The following HSF4 variants were observed in gnomAD, a reference collection of about 807,000 sequenced individuals.
HSF4 encodes heat shock factor protein 4.
In HSF4, 41 loss-of-function variants were observed where a neutral mutation model predicts 52.0. That is an observed-to-expected ratio of 0.79 (90% CI 0.61 to 1.02). HSF4 has a LOEUF of 1.02. Among genes scored for constraint, HSF4 ranks in the 50% least tolerant of loss-of-function variants. The pLI, the probability that HSF4 is intolerant of heterozygous loss-of-function variation, is 0.00. For missense variants in HSF4, 610 were observed against 651.1 expected, an observed-to-expected ratio of 0.94 and a Z score of 0.69; for synonymous variants, 285 against 273.0, an observed-to-expected ratio of 1.04 and a Z score of -0.43.
At chr16:67,164,602 C>T (rs2031100944), upstream of HSF4, 2 of 497,798 alleles carry the variant, frequency 4.0e-6, no homozygotes, top group African/African-American at 4.0e-5. Flanking sequence ...CTCCACTCCA[C>T]TCCACACATC....
Position 67,169,814 on chromosome 16 carries a change from C to T in HSF4, c.*29C>T. On this transcript the variant is annotated 3_prime_UTR_variant, in exon 13 of 13. Coordinates refer to ENST00000521374, the MANE Select transcript of HSF4 (RefSeq NM_001374675.1). This position sits in a 1 kb window ranked among gnomAD's most constrained non-coding sequence, Gnocchi z 4.3. ...CCCGCGCCTCTGAAGGGGCTTGGAA[C>T]CAGTCCGCCGCTGCACATCCTTCTT... 1.2e-6 allele frequency: 2 copies of T among 1,612,726 alleles called. No individual in the cohort carries two copies.
intron 7 of HSF4, 30 bp downstream of exon 7, chr16:67,167,252 G>A: frequency 6.2e-7 from 1 of 1,613,816 alleles, no homozygotes; most frequent in Non-Finnish European, 8.5e-7. Flanking sequence ...CCTTCCCAAG[G>A]GCATGGCTGG....
rs778404082 is a variant in HSF4, at chr16:67,169,602, C to T, written c.1325-29C>T. ...TGAAGAAAGGAGGGGGAACATTTCC[C>T]CTGGTGAGCGCAGTCCCACTTCTCC... On this transcript the variant is annotated intron_variant, in intron 12 of 12. Transcript: ENST00000521374. This position sits in a 1 kb window ranked among gnomAD's most constrained non-coding sequence, Gnocchi z 4.3. The T allele has an allele frequency of 3.1e-6, 5 of 1,602,708 alleles. No individual in the cohort carries two copies. The highest frequency in any genetic ancestry group is 3.4e-6 in the Non-Finnish European group (4 of 1,179,874).
At position 67,165,437 on chromosome 16, in the gene HSF4, G is replaced by A; in HGVS notation, c.124-85G>A. ...AGAGTGAGCATGAGTGTGTGCGCGC[G>A]CTGGAGCGCAGGACTGGCCGTGAGC... On this transcript the variant is annotated intron_variant, in intron 1 of 12. Transcript: ENST00000521374. The surrounding 1 kb of genome is among the most constrained non-coding windows in gnomAD (Gnocchi z 6.9). 1 of 1,233,532 alleles carries A rather than the reference G, an allele frequency of 8.1e-7. No individual in the cohort carries two copies. Among genetic ancestry groups the A allele is most frequent in the Non-Finnish European group, 1.2e-6 (1 of 837,390 alleles). 76.4% of individuals were successfully genotyped at this position (1,233,532 alleles called of 1,614,324 possible).
chr16:67,166,064 T>G lies in HSF4; in HGVS notation c.479T>G (p.Leu160Arg). The G allele has an allele frequency of 6.8e-7, 1 of 1,463,302 alleles. No homozygotes were observed. The highest frequency in any genetic ancestry group is 1.2e-5 in the South Asian group (1 of 82,634). 90.6% of individuals were successfully genotyped at this position (1,463,302 alleles called of 1,614,324 possible). ...AGCACCGAGGCGCGGCTGCGGGAGC[T>G]CAGGCAGTGCGGGGGCGGGCGGGGA... ...QESTEARLRE[L>R]RQQNEILWRE... Residue 160 changes from leucine (L) to arginine (R), a missense_variant, in exon 4 of 13, where the codon CTC (leucine) becomes CGC (arginine). Physicochemically the swap from Leu to Arg is moderately radical, Grantham distance 102. Transcript: ENST00000521374.
chr16:67,167,311 G>A, intron 7 of HSF4, 89 bp downstream of exon 7: 1 of 1,609,556 alleles, frequency 6.2e-7, no homozygotes, highest in East Asian at 2.2e-5. Context: ...AGGAAGAGAA[G>A]ATGGAAGCCA....
rs2031385752 is a variant in HSF4, at chr16:67,167,415, G to A, written c.730-60G>A. The A allele has an allele frequency of 1.9e-6, 3 of 1,613,254 alleles. No homozygotes were observed. In the South Asian group the frequency reaches 3.3e-5, roughly 18 times the overall value. On this transcript the variant is annotated intron_variant, in intron 7 of 12. Transcript: ENST00000521374. Reference sequence around the variant, plus strand: ...AGACCTGGCCCAGGTGGGTGTTGGTGGGGTTCTGGCTCTCCCTGTGCCTAC... The same window carrying A: ...AGACCTGGCCCAGGTGGGTGTTGGTAGGGTTCTGGCTCTCCCTGTGCCTAC...
upstream of HSF4, chr16:67,164,594 C>G (rs1295277985): frequency 2.4e-6 from 1 of 424,846 alleles, no homozygotes; most frequent in South Asian, 1.7e-5. Context: ...CCCCTCCACT[C>G]CACTCCACTC....
At chr16:67,164,066 C>T, upstream of HSF4, 1 of 705,014 alleles carries the variant, frequency 1.4e-6, no homozygotes, top group Non-Finnish European at 2.6e-6. Context: ...TCTCTTGCCT[C>T]CACCCCTCTG....
Position 67,169,893 on chromosome 16 carries a change from C to T in HSF4, c.*108C>T. 2 of 1,120,294 alleles carry T rather than the reference C, an allele frequency of 1.8e-6. No homozygotes were observed. The highest frequency in any genetic ancestry group is 2.7e-6 in the Non-Finnish European group (2 of 740,302). 69.4% of individuals were successfully genotyped at this position (1,120,294 alleles called of 1,614,324 possible). The stretch of plus-strand genomic sequence containing the variant: ...AGCGAAGCCCCCACTACTAAATGGC[C>T]TCTCTCCACTACCCCGACTATCCCT... On this transcript the variant is annotated 3_prime_UTR_variant, in exon 13 of 13. Coordinates refer to ENST00000521374, the MANE Select transcript of HSF4 (RefSeq NM_001374675.1). This position sits in a 1 kb window ranked among gnomAD's most constrained non-coding sequence, Gnocchi z 4.3.
chr16:67,166,054 C>A lies in HSF4; in HGVS notation c.469C>A (p.Leu157Met). 7.2e-7 allele frequency: 1 copy of A among 1,384,914 alleles called. No homozygotes were observed. Among genetic ancestry groups the A allele is most frequent in the Non-Finnish European group, 9.5e-7 (1 of 1,055,042 alleles). The allele number at this position is 1,384,914 out of a possible 1,614,324, so 85.8% of individuals were successfully genotyped here. ...AGTGCAGGAGAGCACCGAGGCGCGG[C>A]TGCGGGAGCTCAGGCAGTGCGGGGG... ...RGVQESTEARLRELRQQNEIL... is the reference protein window; with the variant it reads ...RGVQESTEARMRELRQQNEIL... Residue 157 changes from leucine (L) to methionine (M), a missense_variant, in exon 4 of 13, where the codon CTG becomes ATG. Physicochemically the swap from Leu to Met is conservative, Grantham distance 15. Transcript: ENST00000521374.
intron 9 of HSF4, 88 bp downstream of exon 9, chr16:67,168,035 T>C: frequency 4.7e-6 from 5 of 1,065,254 alleles, no homozygotes; most frequent in Admixed American, 2.0e-5. Context: ...GACTCCATGA[T>C]ACTCACCTGA....
chr16:67,165,090 G>A lies in HSF4; in HGVS notation c.123+156G>A. 5 of 833,274 alleles carry A rather than the reference G, an allele frequency of 6.0e-6. No homozygotes were observed. The highest frequency in any genetic ancestry group is 9.1e-6 in the Non-Finnish European group (5 of 550,782). The allele number at this position is 833,274 out of a possible 1,614,324, so 51.6% of individuals were successfully genotyped here. On this transcript the variant is annotated intron_variant, in intron 1 of 12. Transcript: ENST00000521374. This position sits in a 1 kb window ranked among gnomAD's most constrained non-coding sequence, Gnocchi z 6.9. ...ACCTTGGAGGGGGTGTGCGAGAGGG[G>A]GGTTTCCTCTGCGGCCGAAGAAGGG...
Position 67,167,555 on chromosome 16 carries a change from A to G in HSF4, c.810A>G (p.Pro270=), listed in dbSNP as rs200249893. ...TCTCTGACATCCCAGAAGACTCTCC[A>G]TCCCCTGAGGGGACCAGGCTTTCTC... ...PIISDIPEDS[P]SPEGTRLSPS... The change falls in exon 8 of 13, where the codon CCA becomes CCG. Residue 270 remains proline (P), a synonymous_variant. Coordinates refer to ENST00000521374, the MANE Select transcript of HSF4 (RefSeq NM_001374675.1). 1.9e-6 allele frequency: 3 copies of G among 1,613,696 alleles called. No individual in the cohort carries two copies. The highest frequency in any genetic ancestry group is 1.7e-6 in the Non-Finnish European group (2 of 1,179,968).
chr16:67,168,419 A>G (rs2031458394), intron 9 of HSF4, among the ~76,000 whole-genome samples: 1 of 152,146 alleles, frequency 6.6e-6, no homozygotes, highest in Non-Finnish European at 1.5e-5. Flanking sequence ...GGCTGCAGTT[A>G]GCCAAGACAG....
upstream of HSF4, chr16:67,163,846 C>G (rs756655584): frequency 1.5e-4 from 236 of 1,524,298 alleles, 1 homozygote; most frequent in Non-Finnish European, 2.0e-4. Context: ...CCCCCGTCCC[C>G]GTGGACGTAA....
At chr16:67,168,719 C>T in intron 9 of HSF4, 112 bp from the exon 10 acceptor site, 1 of 825,450 alleles carries the variant, frequency 1.2e-6, no homozygotes, top group East Asian at 2.4e-5. Context: ...GATGGGGATC[C>T]TCTCCTATCA....
At chr16:67,166,138 C>G in intron 4 of HSF4, 68 bp downstream of exon 4, 1 of 1,483,326 alleles carries the variant, frequency 6.7e-7, no homozygotes, top group Non-Finnish European at 9.1e-7. Context: ...AACTGGCCGG[C>G]CAGCAGTTCT....
rs1411347362 is a variant in HSF4 at position 67,165,876 on chromosome 16, AG to A, written c.360+32del. ...GGGCGGCCTGCGGGAATGAGCAAAG[AG>A]GAGGAGGGGTGCTGGGACTGCCTGC... On this transcript the variant is annotated intron_variant, in intron 3 of 12. Transcript: ENST00000521374. This position sits in a 1 kb window ranked among gnomAD's most constrained non-coding sequence, Gnocchi z 6.9. The A allele has an allele frequency of 6.3e-7, 1 of 1,597,920 alleles. No individual in the cohort carries two copies. Among genetic ancestry groups the A allele is most frequent in the Admixed American group, 1.7e-5 (1 of 59,856 alleles).
Sources: allele counts gnomAD v4.1 joint callset (sites outside exome capture counted in the v4.1 genomes callset), GRCh38; gene constraint gnomAD v4.1.1; non-coding constraint Gnocchi (gnomAD v3.1); transcripts MANE v1.5; gene names NCBI Gene and HGNC (gene_info 2026-07-23, HGNC 2026-07-21).